SV2C: variants seen among roughly 807,000 people sequenced by gnomAD.
SV2C encodes synaptic vesicle glycoprotein 2C, also known as solute carrier family 22 member B3.
Under a neutral mutation model 79.7 loss-of-function variants are expected in SV2C, and 49 were observed. The observed-to-expected ratio is 0.61, with a 90% CI of 0.49 to 0.78. The LOEUF (loss-of-function observed/expected upper bound fraction) is 0.78, where lower values mean the gene tolerates loss of function less well. Among genes scored for constraint, SV2C ranks in the 30% least tolerant of loss-of-function variants. The probability of loss-of-function intolerance (pLI) is 0.00; values close to 1 mark genes in which losing one functional copy is unlikely to be tolerated. For missense variants in SV2C, 833 were observed against 912.9 expected (o/e 0.91, Z 1.13); for synonymous variants, 334 against 333.2 (o/e 1.00, Z -0.03).
At chr5:75,878,671 T>G in the SV2C span, among the ~76,000 whole-genome samples, 1 of 152,004 alleles carries the variant, frequency 6.6e-6, no homozygotes, top group African/African-American at 2.4e-5. Context: ...GGTCCTGATA[T>G]AAGATAATCA....
chr5:76,238,027 TACACACACACACACACAC>T (rs796926428), intron 4 of SV2C, among the ~76,000 whole-genome samples: 3 of 122,812 alleles, frequency 2.4e-5, no homozygotes, highest in African/African-American at 2.7e-5. Flanking sequence ...CAATCACACA[TACACACACACACACACAC>T]ACACACACAC....
the SV2C span, among the ~76,000 whole-genome samples, chr5:76,034,344 C>T: frequency 6.6e-6 from 1 of 152,190 alleles, no homozygotes; most frequent in Admixed American, 6.5e-5. Context: ...AAAGGGAATG[C>T]TTCCAGCTTT....
chr5:76,323,197 A>AG (rs752766974), intron 12 of SV2C, among the ~76,000 whole-genome samples: 3 of 152,248 alleles, frequency 2.0e-5, no homozygotes, highest in Non-Finnish European at 2.9e-5. Context: ...CCAGAAAAAA[A>AG]TAAACAACTT....
chr5:76,216,364 C>G (rs1744909002), intron 4 of SV2C, among the ~76,000 whole-genome samples: 1 of 152,172 alleles, frequency 6.6e-6, no homozygotes, highest in Admixed American at 6.5e-5. Flanking sequence ...CCACTCCATT[C>G]AGGAACTTCT....
chr5:76,095,505 A>G (rs1391788822), intron 1 of SV2C, among the ~76,000 whole-genome samples: 2 of 151,552 alleles, frequency 1.3e-5, no homozygotes, highest in African/African-American at 4.8e-5. Flanking sequence ...TATCTTGTAG[A>G]CTCTGTGATT....
At chr5:76,078,651 G>A, upstream of SV2C, 1 of 426,652 alleles carries the variant, frequency 2.3e-6, no homozygotes, top group Non-Finnish European at 4.6e-6. Context: ...GGCACAGGGA[G>A]GGCCTCGCCT....
the SV2C span, among the ~76,000 whole-genome samples, chr5:75,905,294 G>A: frequency 6.6e-6 from 1 of 152,184 alleles, no homozygotes; most frequent in Non-Finnish European, 1.5e-5. Flanking sequence ...CCCTTGATAT[G>A]TAATAACCGT....
chr5:76,268,909 A>T (rs916730606), intron 4 of SV2C, among the ~76,000 whole-genome samples: 1 of 152,238 alleles, frequency 6.6e-6, no homozygotes, highest in Non-Finnish European at 1.5e-5. Context: ...GCAAAAACTA[A>T]CACAAAAACA....
chr5:76,053,635 CA>C, the SV2C span, among the ~76,000 whole-genome samples: 1 of 152,120 alleles, frequency 6.6e-6, no homozygotes, highest in African/African-American at 2.4e-5. Context: ...ATCATTTTGT[CA>C]AACATCCATG....
chr5:76,342,098 G>C (rs1749453392), intron 12 of SV2C, among the ~76,000 whole-genome samples: 1 of 152,114 alleles, frequency 6.6e-6, no homozygotes, highest in African/African-American at 2.4e-5. Context: ...AGCTCCATGG[G>C]AGGGCCTCTG....
At chr5:75,875,738 C>T in the SV2C span, among the ~76,000 whole-genome samples, 1 of 152,094 alleles carries the variant, frequency 6.6e-6, no homozygotes, top group East Asian at 1.9e-4. Flanking sequence ...GAAAAACAGA[C>T]AACCCCATTA....
intron 12 of SV2C, 104 bp from the exon 13 acceptor site, chr5:76,325,260 C>A: frequency 8.1e-7 from 1 of 1,233,720 alleles, no homozygotes; most frequent in Non-Finnish European, 1.2e-6. Flanking sequence ...TGATATACAA[C>A]ACAATCTGAG....
At chr5:75,890,969 T>C in the SV2C span, among the ~76,000 whole-genome samples, 73 of 152,158 alleles carry the variant, frequency 4.8e-4, no homozygotes, top group Middle Eastern at 6.8e-3. Flanking sequence ...CATTTTCTCC[T>C]CTGAGCAACG....
the SV2C span, among the ~76,000 whole-genome samples, chr5:75,889,758 T>C: frequency 6.6e-6 from 1 of 152,212 alleles, no homozygotes; most frequent in Non-Finnish European, 1.5e-5. Flanking sequence ...ACACATCCAC[T>C]GAATGGATAA....
chr5:75,928,392 T>C, the SV2C span, among the ~76,000 whole-genome samples: 5 of 152,206 alleles, frequency 3.3e-5, no homozygotes, highest in Admixed American at 2.0e-4. Flanking sequence ...GCCCGGGAGA[T>C]GATGTTCAGT....
At chr5:76,070,485 G>C in the SV2C span, among the ~76,000 whole-genome samples, 1 of 152,168 alleles carries the variant, frequency 6.6e-6, no homozygotes, top group African/African-American at 2.4e-5. Context: ...GACATGCTTT[G>C]TAAGTAAGAA....
At chr5:76,037,114 C>T in the SV2C span, among the ~76,000 whole-genome samples, 1 of 152,168 alleles carries the variant, frequency 6.6e-6, no homozygotes, top group African/African-American at 2.4e-5. Flanking sequence ...TTAAGCACTT[C>T]TCTGTATTGG....
the SV2C span, among the ~76,000 whole-genome samples, chr5:75,908,372 A>C: frequency 1.3e-5 from 2 of 152,258 alleles, no homozygotes; most frequent in Non-Finnish European, 2.9e-5. Context: ...AGATCCATCC[A>C]CACTGTAGTA....
At chr5:75,869,967 T>G in the SV2C span, among the ~76,000 whole-genome samples, 3 of 152,288 alleles carry the variant, frequency 2.0e-5, no homozygotes, top group South Asian at 6.2e-4. Context: ...GCCTTCTAAA[T>G]GCAGATACAG....
Sources: allele counts gnomAD v4.1 joint callset (sites outside exome capture counted in the v4.1 genomes callset), GRCh38; gene constraint gnomAD v4.1.1; transcripts MANE v1.5; gene names NCBI Gene and HGNC (gene_info 2026-07-23, HGNC 2026-07-21).